IL1RAPL1: variants seen among roughly 807,000 people sequenced by gnomAD.
The protein encoded by IL1RAPL1 is interleukin 1 receptor accessory protein like 1.
IL1RAPL1 carries 3 observed loss-of-function variants against 48.4 expected under a neutral mutation model. The observed-to-expected ratio is 0.06, with a 90% confidence interval of 0.03 to 0.16. IL1RAPL1 has a LOEUF of 0.16. Among genes scored for constraint, IL1RAPL1 ranks in the 10% least tolerant of loss-of-function variants. The probability of loss-of-function intolerance (pLI) is 1.00; values close to 1 mark genes in which losing one functional copy is unlikely to be tolerated. For missense variants in IL1RAPL1, 349 were observed against 530.6 expected (o/e 0.66, Z 3.36); for synonymous variants, 185 against 187.7 (o/e 0.99, Z 0.12).
chrX:29,207,651 A>G (rs1383106163), intron 2 of IL1RAPL1, among the ~76,000 whole-genome samples: 1 of 111,491 alleles, frequency 9.0e-6, no homozygotes, highest in African/African-American at 3.3e-5. Flanking sequence ...CTAGAGGAGT[A>G]TGTGTGCTTG....
intron 5 of IL1RAPL1, among the ~76,000 whole-genome samples, chrX:29,409,412 A>G (rs1286218044): frequency 8.9e-6 from 1 of 112,245 alleles, no homozygotes; most frequent in African/African-American, 3.2e-5. Context: ...AATTTAATCA[A>G]CTTGGCTATC....
At chrX:29,067,406 T>C (rs1324342242) in intron 2 of IL1RAPL1, among the ~76,000 whole-genome samples, 2 of 112,449 alleles carry the variant, frequency 1.8e-5, no homozygotes, top group African/African-American at 6.5e-5. Context: ...CAATCATCTT[T>C]GGATGCGGAA....
chrX:29,644,425 A>G (rs1357633365), intron 5 of IL1RAPL1, among the ~76,000 whole-genome samples: 1 of 111,884 alleles, frequency 8.9e-6, no homozygotes, highest in East Asian at 2.8e-4. Context: ...CATGTCCCTC[A>G]TTCGTGAATT....
intron 6 of IL1RAPL1, among the ~76,000 whole-genome samples, chrX:29,724,981 T>C (rs1422937194): frequency 9.0e-6 from 1 of 111,428 alleles, no homozygotes; most frequent in Non-Finnish European, 1.9e-5. Context: ...GCTTTTTTCC[T>C]GGAAATTAAT....
chrX:28,842,259 A>G (rs1335928058), intron 2 of IL1RAPL1, among the ~76,000 whole-genome samples: 1 of 110,119 alleles, frequency 9.1e-6, no homozygotes, highest in Non-Finnish European at 1.9e-5. Context: ...CAGAGTTGGG[A>G]GGGTATGTTA....
chrX:28,670,259 A>G (rs1262706133), intron 1 of IL1RAPL1, among the ~76,000 whole-genome samples: 2 of 111,786 alleles, frequency 1.8e-5, no homozygotes, highest in East Asian at 2.8e-4. Context: ...GAGGGGATCA[A>G]TACATACTTT....
intron 6 of IL1RAPL1, among the ~76,000 whole-genome samples, chrX:29,798,750 A>C (rs754297951): frequency 2.7e-5 from 3 of 112,500 alleles, no homozygotes; most frequent in Non-Finnish European, 3.8e-5. Context: ...ATGGAGAATT[A>C]CTAGGATGCT....
chrX:29,432,164 C>T (rs1216056869), intron 5 of IL1RAPL1, among the ~76,000 whole-genome samples: 1 of 111,504 alleles, frequency 9.0e-6, no homozygotes, highest in Non-Finnish European at 1.9e-5. Flanking sequence ...CTCAGCTTGA[C>T]TAACTTTAGA....
intron 2 of IL1RAPL1, among the ~76,000 whole-genome samples, chrX:28,873,990 T>A (rs900285462): frequency 2.3e-3 from 249 of 106,210 alleles, no homozygotes; most frequent in African/African-American, 7.9e-3. Context: ...AAAAAAAAAA[T>A]TGTTCTTCTT....
intron 2 of IL1RAPL1, among the ~76,000 whole-genome samples, chrX:28,964,877 T>C: frequency 9.0e-6 from 1 of 111,117 alleles, no homozygotes; most frequent in African/African-American, 3.3e-5. Context: ...TTTGAAGTAG[T>C]TTTTTAATTG....
intron 1 of IL1RAPL1, among the ~76,000 whole-genome samples, chrX:28,714,006 C>T (rs1292919158): frequency 8.9e-6 from 1 of 111,962 alleles, no homozygotes. Flanking sequence ...TCAGAGCTTT[C>T]TGAACAGTAT....
chrX:29,627,835 A>C (rs1263291198), intron 5 of IL1RAPL1, among the ~76,000 whole-genome samples: 1 of 112,208 alleles, frequency 8.9e-6, no homozygotes, highest in Non-Finnish European at 1.9e-5. Context: ...ACTCTCTTGG[A>C]CTAGCATCCC....
At chrX:29,553,654 T>A (rs113280651) in intron 5 of IL1RAPL1, among the ~76,000 whole-genome samples, 18 of 111,494 alleles carry the variant, frequency 1.6e-4, no homozygotes, top group African/African-American at 5.9e-4. Context: ...AGCTTTTTCC[T>A]CCTGGAAAAT....
chrX:28,984,760 T>A (rs1464921913), intron 2 of IL1RAPL1, among the ~76,000 whole-genome samples: 2 of 111,824 alleles, frequency 1.8e-5, no homozygotes, highest in Non-Finnish European at 1.9e-5. Context: ...AGAAGAGACT[T>A]GCTATCCGTC....
intron 3 of IL1RAPL1, among the ~76,000 whole-genome samples, chrX:29,377,998 T>G (rs1933645192): frequency 9.1e-6 from 1 of 110,430 alleles, no homozygotes; most frequent in Non-Finnish European, 1.9e-5. Context: ...GAATGCCATA[T>G]TGGTCATAGA....
chrX:29,688,903 A>G (rs1477919056), intron 6 of IL1RAPL1, among the ~76,000 whole-genome samples: 1 of 110,296 alleles, frequency 9.1e-6, no homozygotes. Flanking sequence ...ATCCATTAAC[A>G]TAAGAGTTTT....
intron 2 of IL1RAPL1, among the ~76,000 whole-genome samples, chrX:29,190,813 A>G (rs1165991634): frequency 1.8e-5 from 2 of 112,529 alleles, no homozygotes; most frequent in Non-Finnish European, 3.8e-5. Flanking sequence ...TGAAAGCATG[A>G]TGAATCTTGC....
chrX:28,773,850 T>A (rs932009740), intron 1 of IL1RAPL1, among the ~76,000 whole-genome samples: 4 of 112,225 alleles, frequency 3.6e-5, no homozygotes. Context: ...TTATCTGTAT[T>A]TGATATCTTT....
At chrX:29,557,477 T>A (rs1300232370) in intron 5 of IL1RAPL1, among the ~76,000 whole-genome samples, 1 of 112,210 alleles carries the variant, frequency 8.9e-6, no homozygotes, top group African/African-American at 3.2e-5. Flanking sequence ...ATCAAGCCAA[T>A]TAACATATTG....
Sources: allele counts gnomAD v4.1 joint callset (sites outside exome capture counted in the v4.1 genomes callset), GRCh38; gene constraint gnomAD v4.1.1; transcripts MANE v1.5; gene names NCBI Gene and HGNC (gene_info 2026-07-23, HGNC 2026-07-21).